The following PWWP3B variants were observed in gnomAD, a reference collection of about 807,000 sequenced individuals.
The protein encoded by PWWP3B is PWWP domain-containing DNA repair factor 3B.
A neutral mutation model predicts 15.7 loss-of-function variants in PWWP3B; 5 were observed. That is an observed-to-expected ratio of 0.32 (90% CI 0.17 to 0.67). The LOEUF is 0.67. Among genes scored for constraint, PWWP3B ranks in the 30% least tolerant of loss-of-function variants. The probability of loss-of-function intolerance (pLI) is 0.74; values close to 1 mark genes in which losing one functional copy is unlikely to be tolerated. For missense variants in PWWP3B, 519 were observed against 493.1 expected (o/e 1.05, Z -0.50); for synonymous variants, 203 against 179.8 (o/e 1.13, Z -1.03).
intron 2 of PWWP3B, among the ~76,000 whole-genome samples, chrX:106,201,219 G>A (rs1923687842): frequency 8.9e-6 from 1 of 111,908 alleles, no homozygotes; most frequent in Non-Finnish European, 1.9e-5. Context: ...AAGGGTTTTA[G>A]AGAAGAACTG....
At position 106,176,112 on chromosome X, in the gene PWWP3B, G is replaced by T. The variant is rs747211811; in HGVS notation, c.-401+4973G>T. 2.7e-5 allele frequency among the ~76,000 whole-genome samples: 3 copies of T among 110,616 alleles called. No homozygotes were observed. The East Asian group carries it at 8.5e-4, about 31-fold the overall frequency. On this transcript the variant is annotated intron_variant, in intron 2 of 3. Coordinates refer to ENST00000357175, the MANE Select transcript of PWWP3B (RefSeq NM_001171020.2). ...AACTATTATTTTATTTTATTTTTTTGAGATGGAGTCTTATTCTGTTGCCCA... is the reference window on the plus strand; with the variant it reads ...AACTATTATTTTATTTTATTTTTTTTAGATGGAGTCTTATTCTGTTGCCCA...
intron 2 of PWWP3B, among the ~76,000 whole-genome samples, chrX:106,186,391 T>A (rs182663936): frequency 1.8e-5 from 2 of 111,484 alleles, no homozygotes; most frequent in East Asian, 5.7e-4. Flanking sequence ...TTCCCAAAAA[T>A]CCTGACACCC....
intron 1 of PWWP3B, among the ~76,000 whole-genome samples, chrX:106,169,130 G>A (rs1921485078): frequency 9.0e-6 from 1 of 111,022 alleles, no homozygotes; most frequent in Non-Finnish European, 1.9e-5. Context: ...GGAAAAAGGA[G>A]GAAATTTTCC....
In PWWP3B at chrX:106,207,259, G is replaced by C. The variant is rs376092765; in HGVS notation, c.1827G>C (p.Val609=). 7.1e-5 allele frequency: 86 copies of C among 1,209,078 alleles called. No individual in the cohort carries two copies. The highest frequency in any genetic ancestry group is 9.5e-5 in the Non-Finnish European group (85 of 894,691). ...YFEDEDQLDE[V]VKYLQEVCNQ... ...AGGATGAAGATCAGTTGGATGAAGTGGTGAAATATTTACAAGAAGTCTGCA... is the reference window on the plus strand; with the variant it reads ...AGGATGAAGATCAGTTGGATGAAGTCGTGAAATATTTACAAGAAGTCTGCA... The change falls in exon 4 of 4, where the codon GTG becomes GTC. Residue 609 remains valine, a synonymous_variant. Coordinates refer to ENST00000357175, the MANE Select transcript of PWWP3B (RefSeq NM_001171020.2).
chrX:106,195,036 G>A (rs979076712), intron 2 of PWWP3B, among the ~76,000 whole-genome samples: 1 of 111,509 alleles, frequency 9.0e-6, no homozygotes, highest in Non-Finnish European at 1.9e-5. Flanking sequence ...TCTCATGCTG[G>A]GAGAACCACT....
At chrX:106,194,698 G>A (rs1225754622) in intron 2 of PWWP3B, among the ~76,000 whole-genome samples, 1 of 111,141 alleles carries the variant, frequency 9.0e-6, no homozygotes, top group Admixed American at 9.6e-5. Flanking sequence ...TTTGATGATG[G>A]TGACGTACAG....
intron 2 of PWWP3B, among the ~76,000 whole-genome samples, chrX:106,186,984 T>A (rs1429709822): frequency 8.9e-6 from 1 of 111,828 alleles, no homozygotes; most frequent in East Asian, 2.8e-4. Context: ...ATTGGTGCAT[T>A]TACAATCCTC....
chrX:106,189,160 C>T (rs1922710375), intron 2 of PWWP3B, among the ~76,000 whole-genome samples: 1 of 111,778 alleles, frequency 8.9e-6, no homozygotes, highest in Admixed American at 9.5e-5. Flanking sequence ...TGCTAGAAGT[C>T]GATACTGTCT....
intron 2 of PWWP3B, among the ~76,000 whole-genome samples, chrX:106,186,238 A>G (rs1432027776): frequency 9.0e-6 from 1 of 110,732 alleles, no homozygotes; most frequent in African/African-American, 3.3e-5. Context: ...GGGTCAACCA[A>G]CTTGTTGTCA....
intron 2 of PWWP3B, among the ~76,000 whole-genome samples, chrX:106,190,588 C>A (rs1403193329): frequency 9.0e-6 from 1 of 111,694 alleles, no homozygotes; most frequent in African/African-American, 3.3e-5. Context: ...GTTGCCATTG[C>A]TCTTGGTGTT....
intron 2 of PWWP3B, among the ~76,000 whole-genome samples, chrX:106,193,175 A>G (rs975022754): frequency 3.6e-5 from 4 of 111,175 alleles, no homozygotes; most frequent in African/African-American, 1.3e-4. Context: ...TGGGAGTCTA[A>G]GTCTCTTCGT....
chrX:106,206,017 T>C lies in PWWP3B; in HGVS notation c.585T>C (p.Thr195=), dbSNP rs1428984631. 2 of 1,209,352 alleles carry C rather than the reference T, an allele frequency of 1.7e-6. No individual in the cohort carries two copies. Among genetic ancestry groups the C allele is most frequent in the Non-Finnish European group, 2.2e-6 (2 of 894,066 alleles). ...KSLQNSSWCE[T]FPSLSEDNDE... is the part of the protein sequence containing the mutation. ...TACAAAACTCTAGCTGGTGCGAGACTTTCCCTTCACTTTCGGAAGATAATG... is the reference window on the plus strand; with the variant it reads ...TACAAAACTCTAGCTGGTGCGAGACCTTCCCTTCACTTTCGGAAGATAATG... The change falls in exon 4 of 4, where the codon ACT becomes ACC. Residue 195 remains threonine, a synonymous_variant. Transcript: ENST00000357175.
intron 2 of PWWP3B, among the ~76,000 whole-genome samples, chrX:106,193,294 T>G (rs1401610065): frequency 9.0e-6 from 1 of 111,676 alleles, no homozygotes; most frequent in Non-Finnish European, 1.9e-5. Flanking sequence ...CATTATGTAA[T>G]GGCCTTCTTT....
intron 2 of PWWP3B, among the ~76,000 whole-genome samples, chrX:106,181,163 C>T (rs182015998): frequency 9.6e-4 from 107 of 111,775 alleles, no homozygotes; most frequent in African/African-American, 3.3e-3. Context: ...TGTGGACCTT[C>T]GCAGTGAGTG....
chrX:106,175,551 A>G (rs2147585390), intron 2 of PWWP3B, among the ~76,000 whole-genome samples: 1 of 110,803 alleles, frequency 9.0e-6, no homozygotes, highest in South Asian at 3.9e-4. Context: ...CGCTGGTGTT[A>G]TATTCACCAA....
intron 2 of PWWP3B, among the ~76,000 whole-genome samples, chrX:106,182,737 G>T (rs760131829): frequency 9.1e-6 from 1 of 109,815 alleles, no homozygotes; most frequent in Non-Finnish European, 1.9e-5. Flanking sequence ...TGCTGCAGGG[G>T]GGTCTGGGGT....
chrX:106,199,364 G>T (rs1322068304), intron 2 of PWWP3B, among the ~76,000 whole-genome samples: 1 of 111,737 alleles, frequency 8.9e-6, no homozygotes, highest in Non-Finnish European at 1.9e-5. Context: ...CCTTTTCATT[G>T]TAATTTGTAT....
intron 2 of PWWP3B, among the ~76,000 whole-genome samples, chrX:106,189,954 T>A (rs1442240388): frequency 9.1e-6 from 1 of 109,774 alleles, no homozygotes; most frequent in Non-Finnish European, 1.9e-5. Flanking sequence ...TGTTGGACAT[T>A]TAGGTTGGTT....
At position 106,206,436 on chromosome X, in the gene PWWP3B, G is replaced by A. The variant is rs1924031030; in HGVS notation, c.1004G>A (p.Ser335Asn). The change falls in exon 4 of 4, where the codon AGT becomes AAT. Residue 335 changes from serine (S) to asparagine (N), a missense_variant. Transcript: ENST00000357175. ...GTCTGGGATTATTCACATCTTATGA[G>A]TAGTGAAAGAAATTTTCAGAGACTG... is the stretch of plus-strand genomic sequence containing the variant. ...NPVWDYSHLM[S>N]SERNFQRLDF... 2 of 1,208,343 alleles carry A rather than the reference G, an allele frequency of 1.7e-6. No individual in the cohort carries two copies. Among genetic ancestry groups the A allele is most frequent in the Non-Finnish European group, 2.2e-6 (2 of 894,394 alleles).
Sources: gnomAD v4.1 joint callset for allele counts (sites outside exome capture counted in the v4.1 genomes callset) on GRCh38, gnomAD v4.1.1 for gene constraint, MANE v1.5 for transcripts, NCBI Gene and HGNC (gene_info 2026-07-23, HGNC 2026-07-21) for gene names.